CRACDL: variants seen among roughly 807,000 people sequenced by gnomAD.
CRACDL encodes the protein CRACD-like protein.
Under a neutral mutation model 70.6 loss-of-function variants are expected in CRACDL, and 26 were observed. The observed-to-expected ratio is 0.37, with a 90% CI of 0.27 to 0.51. The LOEUF (loss-of-function observed/expected upper bound fraction) is 0.51. Among genes scored for constraint, CRACDL ranks in the 20% least tolerant of loss-of-function variants. The probability of loss-of-function intolerance (pLI) is 0.94; values close to 1 mark genes in which losing one functional copy is unlikely to be tolerated. For synonymous variants in CRACDL, 618 were observed against 615.2 expected (o/e 1.00, Z -0.07); for missense variants, 1,283 against 1,376.9 (o/e 0.93, Z 1.08).
At chr2:98,925,864 C>G (rs977345875) in intron 1 of CRACDL, among the ~76,000 whole-genome samples, 3 of 152,124 alleles carry the variant, frequency 2.0e-5, no homozygotes, top group African/African-American at 4.8e-5. Context: ...TCTAAACACA[C>G]ACATGCGCGC....
At position 98,797,511 on chromosome 2, in the gene CRACDL, C is replaced by T. The variant is rs751770846; in HGVS notation, c.2443G>A (p.Gly815Arg). The T allele has an allele frequency of 5.0e-6, 8 of 1,613,982 alleles. No homozygotes were observed. The highest frequency in any genetic ancestry group is 3.3e-5 in the Admixed American group (2 of 60,010). The change falls in exon 8 of 10, where the codon GGG becomes AGG. Residue 815 changes from glycine (G) to arginine (R), a missense_variant. Gly to Arg is a moderately radical substitution (Grantham distance 125, BLOSUM62 -2). Transcript: ENST00000397899. ...AEKSLPPAAT[G>R]PGADGQPAPP... is the part of the protein sequence containing the mutation. ...GCAGGCTGCCCATCAGCTCCAGGCCCTGTTGCTGCAGGCGGCAGACTCTTT... is the reference window on the plus strand; with the variant it reads ...GCAGGCTGCCCATCAGCTCCAGGCCTTGTTGCTGCAGGCGGCAGACTCTTT...
At chr2:98,910,139 AG>A (rs962436458) in intron 1 of CRACDL, among the ~76,000 whole-genome samples, 2 of 152,022 alleles carry the variant, frequency 1.3e-5, no homozygotes, top group African/African-American at 4.8e-5. Context: ...CCTCTTACCA[AG>A]GGGGCTGTGA....
chr2:98,870,443 C>T (rs963746512), intron 1 of CRACDL, among the ~76,000 whole-genome samples: 2 of 152,144 alleles, frequency 1.3e-5, no homozygotes, highest in Admixed American at 6.5e-5. Flanking sequence ...ATGATAATCA[C>T]GCAGTGCGCT....
At chr2:98,858,867 T>C (rs572235613) in intron 1 of CRACDL, among the ~76,000 whole-genome samples, 1 of 152,128 alleles carries the variant, frequency 6.6e-6, no homozygotes, top group East Asian at 1.9e-4. Flanking sequence ...TATTACTGTA[T>C]GCCAAAAAAT....
chr2:98,803,925 C>T (rs558352750), intron 7 of CRACDL, among the ~76,000 whole-genome samples: 12 of 152,274 alleles, frequency 7.9e-5, no homozygotes, highest in African/African-American at 2.9e-4. Flanking sequence ...CAGAGGTGGG[C>T]CCCAGGCCCT....
In CRACDL at chr2:98,823,598, TC is replaced by T; in HGVS notation, c.736-62del. Reference sequence around the variant, plus strand: ...AGCCAATTCCAGGAAGCCTGTCACCTCCCCACTTTTTTCAAGGCTTATAATG... The same window carrying T: ...AGCCAATTCCAGGAAGCCTGTCACCTCCCACTTTTTTCAAGGCTTATAATG... On this transcript the variant is annotated intron_variant, in intron 6 of 9. Coordinates refer to ENST00000397899, the MANE Select transcript of CRACDL (RefSeq NM_207362.3). This position sits in a 1 kb window ranked among gnomAD's most constrained non-coding sequence, Gnocchi z 4.0. 1 of 1,532,366 alleles carries T rather than the reference TC, an allele frequency of 6.5e-7. No individual in the cohort carries two copies. 94.9% of individuals were successfully genotyped at this position (1,532,366 alleles called of 1,614,324 possible). A position where few individuals can be genotyped will look rare whatever the true frequency, so the allele number is the denominator to read the frequency against.
intron 1 of CRACDL, among the ~76,000 whole-genome samples, chr2:98,907,538 T>A (rs1370343364): frequency 6.6e-6 from 1 of 152,088 alleles, no homozygotes; most frequent in East Asian, 1.9e-4. Context: ...TCCACTACCA[T>A]CCCCGCAAGT....
intron 7 of CRACDL, 27 bp from the exon 8 acceptor site, chr2:98,797,564 G>T (rs1157814447): frequency 6.2e-7 from 1 of 1,608,740 alleles, no homozygotes; most frequent in African/African-American, 1.3e-5. Context: ...CAAGATTATA[G>T]AAACAGTCCT....
chr2:98,904,194 C>T (rs1055141361), intron 1 of CRACDL, among the ~76,000 whole-genome samples: 1 of 152,354 alleles, frequency 6.6e-6, no homozygotes, highest in South Asian at 2.1e-4. Flanking sequence ...CCACTTTCCA[C>T]GCACCCTCCA....
rs1365360728 is a variant in CRACDL, at chr2:98,795,042, T to A, written c.2750-371A>T. 5.9e-3 allele frequency among the ~76,000 whole-genome samples: 42 copies of A among 7,096 alleles called. 1 individual carries two copies. The highest frequency in any genetic ancestry group is 0.083 in the Middle Eastern group (2 of 24). 4.7% of individuals were successfully genotyped at this position (7,096 alleles called of 152,430 possible). ...TATGTGCCCTTACCATAATTAAAAATATATATATATATATATATATATATA... is the reference window on the plus strand; with the variant it reads ...TATGTGCCCTTACCATAATTAAAAAAATATATATATATATATATATATATA... On this transcript the variant is annotated intron_variant, in intron 9 of 9. Transcript: ENST00000397899.
At chr2:98,876,515 G>C (rs970767081) in intron 1 of CRACDL, among the ~76,000 whole-genome samples, 1 of 152,128 alleles carries the variant, frequency 6.6e-6, no homozygotes, top group Admixed American at 6.5e-5. Flanking sequence ...TGTGAACTGC[G>C]CCATGTGAGG....
intron 1 of CRACDL, among the ~76,000 whole-genome samples, chr2:98,901,491 G>A (rs534743221): frequency 4.6e-5 from 7 of 152,216 alleles, no homozygotes; most frequent in African/African-American, 7.2e-5. Flanking sequence ...GCCAGCCCAC[G>A]TGGCCTGAGG....
chr2:98,822,451 T>C lies in CRACDL; in HGVS notation c.1822A>G (p.Arg608Gly). Residue 608 changes from arginine (R) to glycine (G), a missense_variant, in exon 7 of 10, where the codon AGG becomes GGG. By Grantham distance (125) the Arg-to-Gly change is moderately radical (BLOSUM62 -2). Transcript: ENST00000397899. This position sits in a 1 kb window ranked among gnomAD's most constrained non-coding sequence, Gnocchi z 4.9. ...LPLARSGPVW[R>G]SEAALDDLQG... ...AGGTCGTCAAGAGCCGCCTCGCTCCTCCAGACCGGGCCGCTCCTCGCGAGG... is the reference window on the plus strand; with the variant it reads ...AGGTCGTCAAGAGCCGCCTCGCTCCCCCAGACCGGGCCGCTCCTCGCGAGG... The C allele has an allele frequency of 6.7e-7, 1 of 1,481,904 alleles. No homozygotes were observed. 91.8% of individuals were successfully genotyped at this position (1,481,904 alleles called of 1,614,324 possible). A position where few individuals can be genotyped will look rare whatever the true frequency, so the allele number is the denominator to read the frequency against.
At chr2:98,911,442 G>A (rs930471053) in intron 1 of CRACDL, among the ~76,000 whole-genome samples, 2 of 152,182 alleles carry the variant, frequency 1.3e-5, no homozygotes, top group Non-Finnish European at 2.9e-5. Context: ...CAGGGACAAG[G>A]CTGAGGGCAG....
Position 98,838,077 on chromosome 2 carries a change from A to T in CRACDL, c.239+42T>A, listed in dbSNP as rs771776883. ...AGTTACCAGGATAATGAAATCATGT[A>T]TTTAGGTGCTCCTGGCCCGAGGGAT... On this transcript the variant is annotated intron_variant, in intron 3 of 9. Coordinates refer to ENST00000397899, the MANE Select transcript of CRACDL (RefSeq NM_207362.3). 8 of 1,537,234 alleles carry T rather than the reference A, an allele frequency of 5.2e-6. No individual in the cohort carries two copies. The East Asian group carries it at 1.8e-4, about 35-fold the overall frequency.
chr2:98,816,880 A>C (rs1249484614), intron 7 of CRACDL, among the ~76,000 whole-genome samples: 3 of 152,244 alleles, frequency 2.0e-5, no homozygotes, highest in Non-Finnish European at 2.9e-5. Flanking sequence ...CTGAAATCGG[A>C]ATCTCAGAGA....
intron 1 of CRACDL, among the ~76,000 whole-genome samples, chr2:98,932,091 G>T (rs892152294): frequency 1.3e-5 from 2 of 152,212 alleles, no homozygotes; most frequent in Non-Finnish European, 2.9e-5. Context: ...TTTCCGTTCA[G>T]TTTGGGGAAA....
intron 7 of CRACDL, among the ~76,000 whole-genome samples, chr2:98,800,951 G>T (rs1296657199): frequency 6.6e-6 from 1 of 152,184 alleles, no homozygotes; most frequent in Non-Finnish European, 1.5e-5. Context: ...TGTGTTTTAA[G>T]CGTGTGTCTG....
Position 98,827,102 on chromosome 2 carries a change from A to G in CRACDL, c.608T>C (p.Leu203Pro), listed in dbSNP as rs757296021. 6.2e-7 allele frequency: 1 copy of G among 1,614,168 alleles called. No individual in the cohort carries two copies. Among genetic ancestry groups the G allele is most frequent in the Non-Finnish European group, 8.5e-7 (1 of 1,180,006 alleles). ...TVSARISDNS[L>P]APVADFSYPA... Reference sequence around the variant, plus strand: ...ATAACTGAAGTCAGCCACTGGTGCCAGGCTGTTGTCTGAGATCCGGGCAGA... The same window carrying G: ...ATAACTGAAGTCAGCCACTGGTGCCGGGCTGTTGTCTGAGATCCGGGCAGA... Residue 203 changes from leucine to proline, a missense_variant, in exon 6 of 10, where the codon CTG becomes CCG. By Grantham distance (98) the Leu-to-Pro change is moderately conservative (BLOSUM62 -3). Transcript: ENST00000397899.
Sources: gnomAD v4.1 joint callset for allele counts (sites outside exome capture counted in the v4.1 genomes callset) on GRCh38, gnomAD v4.1.1 for gene constraint, Gnocchi (gnomAD v3.1) non-coding constraint, MANE v1.5 for transcripts, NCBI Gene and HGNC (gene_info 2026-07-23, HGNC 2026-07-21) for gene names.